ELMO1: variants seen among roughly 807,000 people sequenced by gnomAD.
The protein encoded by ELMO1 is engulfment and cell motility protein 1.
In ELMO1, 26 loss-of-function variants were observed where a neutral mutation model predicts 98.9. That is an observed-to-expected ratio of 0.26 (90% CI 0.19 to 0.36). ELMO1 has a LOEUF of 0.36. Among genes scored for constraint, ELMO1 ranks in the 10% least tolerant of loss-of-function variants. The probability of loss-of-function intolerance (pLI) is 1.00; values close to 1 mark genes in which losing one functional copy is unlikely to be tolerated. For synonymous variants in ELMO1, 346 were observed against 346.0 expected, an observed-to-expected ratio of 1.00 and a Z score of 0.00; for missense variants, 627 against 935.2, an observed-to-expected ratio of 0.67 and a Z score of 4.30.
At chr7:37,278,492 G>C (rs1053274801) in intron 4 of ELMO1, among the ~76,000 whole-genome samples, 1 of 151,856 alleles carries the variant, frequency 6.6e-6, no homozygotes, top group Non-Finnish European at 1.5e-5. Context: ...CTAGGCAACA[G>C]AGCAAGACCC....
intron 15 of ELMO1, among the ~76,000 whole-genome samples, chr7:37,090,143 T>C (rs796484709): frequency 5.9e-5 from 9 of 152,200 alleles, no homozygotes; most frequent in African/African-American, 2.2e-4. Flanking sequence ...ATAACTTGGG[T>C]CCCTAATGAC....
At chr7:37,412,452 G>A (rs1434420560) in intron 1 of ELMO1, among the ~76,000 whole-genome samples, 2 of 152,178 alleles carry the variant, frequency 1.3e-5, no homozygotes, top group African/African-American at 4.8e-5. Flanking sequence ...TAAATGACTA[G>A]TTTAACAGAT....
intron 1 of ELMO1, among the ~76,000 whole-genome samples, chr7:37,361,665 T>C (rs1204858600): frequency 1.3e-5 from 2 of 152,188 alleles, no homozygotes; most frequent in Non-Finnish European, 2.9e-5. Flanking sequence ...AAAATTACAT[T>C]GATAGCATGT....
chr7:37,207,374 A>T (rs1056853577), intron 13 of ELMO1, among the ~76,000 whole-genome samples: 5 of 151,930 alleles, frequency 3.3e-5, no homozygotes, highest in South Asian at 2.1e-4. Flanking sequence ...AACATGGCGA[A>T]ACCCTGTCTC....
intron 6 of ELMO1, among the ~76,000 whole-genome samples, chr7:37,252,047 G>A (rs1023562572): frequency 2.0e-5 from 3 of 152,122 alleles, no homozygotes; most frequent in African/African-American, 7.2e-5. Flanking sequence ...CCTCTTCAAG[G>A]AGAACTACAA....
chr7:37,047,983 G>A (rs1269081478), intron 15 of ELMO1, among the ~76,000 whole-genome samples: 1 of 152,036 alleles, frequency 6.6e-6, no homozygotes, highest in Non-Finnish European at 1.5e-5. Flanking sequence ...TGGTTTATCT[G>A]AAAAATCATT....
At chr7:37,284,767 C>T (rs778077988) in intron 4 of ELMO1, among the ~76,000 whole-genome samples, 7 of 114,334 alleles carry the variant, frequency 6.1e-5, no homozygotes, top group East Asian at 2.2e-4. Flanking sequence ...TACTGCAAAA[C>T]GGTTTAAAGA....
chr7:37,301,423 A>G (rs1227640348), intron 4 of ELMO1, among the ~76,000 whole-genome samples: 4 of 152,176 alleles, frequency 2.6e-5, no homozygotes, highest in Admixed American at 6.5e-5. Context: ...ACAATGAATC[A>G]CTTTTAAAGT....
intron 16 of ELMO1, among the ~76,000 whole-genome samples, chr7:36,981,557 C>A (rs1791051068): frequency 6.6e-6 from 1 of 152,068 alleles, no homozygotes; most frequent in Non-Finnish European, 1.5e-5. Context: ...GAAGAATTAT[C>A]TGCTTGTAAC....
chr7:36,901,227 A>G (rs1254886593), intron 16 of ELMO1, among the ~76,000 whole-genome samples: 13 of 152,224 alleles, frequency 8.5e-5, no homozygotes, highest in Admixed American at 8.5e-4. Context: ...AGGCCAGGCC[A>G]TGCATGCAGG....
chr7:37,310,881 C>G (rs1021233037), intron 4 of ELMO1, among the ~76,000 whole-genome samples: 1 of 152,174 alleles, frequency 6.6e-6, no homozygotes, highest in South Asian at 2.1e-4. Flanking sequence ...GACACCAATA[C>G]CTGCATCATT....
intron 1 of ELMO1, among the ~76,000 whole-genome samples, chr7:37,375,226 T>C (rs996485268): frequency 2.0e-5 from 3 of 152,166 alleles, no homozygotes; most frequent in African/African-American, 7.2e-5. Context: ...TGCTAAACAC[T>C]TGGTAACTGA....
chr7:37,425,432 C>A (rs1731992), intron 1 of ELMO1, among the ~76,000 whole-genome samples: 14,395 of 152,248 alleles, frequency 0.095, 861 homozygotes, highest in Non-Finnish European at 0.13. Flanking sequence ...GGGGTGTGGG[C>A]ACAAACATTC....
rs1251916192 is a variant in ELMO1, at chr7:36,878,124, G to GA, written c.1715-8dup. The stretch of plus-strand genomic sequence containing the variant: ...CGACAATACCAAAACTTGTCTGAGA[G>GA]AAAAAACACAAGTTTACAAGGTAAG... On this transcript the variant is annotated splice_region_variant and splice_polypyrimidine_tract_variant and intron_variant, in intron 18 of 21. Coordinates refer to ENST00000310758, the MANE Select transcript of ELMO1 (RefSeq NM_014800.11). 8 of 1,606,614 alleles carry GA rather than the reference G, an allele frequency of 5.0e-6. No individual in the cohort carries two copies. The highest frequency in any genetic ancestry group is 6.8e-6 in the Non-Finnish European group (8 of 1,173,768).
intron 16 of ELMO1, among the ~76,000 whole-genome samples, chr7:36,962,127 T>C (rs1789001305): frequency 6.6e-6 from 1 of 152,220 alleles, no homozygotes; most frequent in African/African-American, 2.4e-5. Context: ...AGTTTCCAGC[T>C]CTAACTGGCC....
chr7:37,433,882 C>G (rs1562689856), intron 1 of ELMO1, among the ~76,000 whole-genome samples: 1 of 152,112 alleles, frequency 6.6e-6, no homozygotes, highest in Admixed American at 6.6e-5. Flanking sequence ...TCTCATCTCC[C>G]CTCCTCATCA....
At chr7:37,400,232 G>A (rs1342148298) in intron 1 of ELMO1, among the ~76,000 whole-genome samples, 2 of 152,118 alleles carry the variant, frequency 1.3e-5, no homozygotes, top group Non-Finnish European at 2.9e-5. Context: ...ACACAGCAGG[G>A]CTCATTTATT....
chr7:37,080,600 A>ATTTTTTTTTTTTTTTT (rs764259726), intron 15 of ELMO1, among the ~76,000 whole-genome samples: 14 of 105,216 alleles, frequency 1.3e-4, no homozygotes, highest in Non-Finnish European at 1.8e-4. Context: ...ACCACGCCTA[A>ATTTTTTTTTTTTTTTT]TTTTTTTTTT....
At chr7:36,956,798 G>T (rs1219612077) in intron 16 of ELMO1, among the ~76,000 whole-genome samples, 3 of 151,348 alleles carry the variant, frequency 2.0e-5, no homozygotes, top group Non-Finnish European at 4.4e-5. Flanking sequence ...GGAACTTAAT[G>T]AGTAAATAAT....
Sources: allele counts gnomAD v4.1 joint callset (sites outside exome capture counted in the v4.1 genomes callset), GRCh38; gene constraint gnomAD v4.1.1; transcripts MANE v1.5; gene names NCBI Gene and HGNC (gene_info 2026-07-23, HGNC 2026-07-21).